Variants in SNX24 observed in about 807,000 individuals in gnomAD.
SNX24 encodes sorting nexin 24.
In SNX24, 22 loss-of-function variants were observed where a neutral mutation model predicts 28.7. The observed-to-expected ratio is 0.77, with a 90% CI of 0.55 to 1.10. The LOEUF is 1.10. Among genes scored for constraint, SNX24 ranks in the 50% least tolerant of loss-of-function variants. SNX24 has a pLI of 0.00. For synonymous variants in SNX24, 69 were observed against 71.5 expected, an observed-to-expected ratio of 0.96 and a Z score of 0.18; for missense variants, 221 against 201.1, an observed-to-expected ratio of 1.10 and a Z score of -0.60.
At chr5:122,852,209 G>A (rs1366450424) in intron 1 of SNX24, among the ~76,000 whole-genome samples, 2 of 151,426 alleles carry the variant, frequency 1.3e-5, no homozygotes, top group South Asian at 4.2e-4. Context: ...TACATGTGCA[G>A]AAAGTGCAGC....
intron 1 of SNX24, among the ~76,000 whole-genome samples, chr5:122,916,146 A>G (rs246304): frequency 0.18 from 26,934 of 152,268 alleles, 2,877 homozygotes; most frequent in East Asian, 0.48. Context: ...TGATCTATCC[A>G]AGATAGCATG....
intron 3 of SNX24, among the ~76,000 whole-genome samples, chr5:122,971,744 A>C (rs549410079): frequency 6.6e-6 from 1 of 152,206 alleles, no homozygotes; most frequent in Non-Finnish European, 1.5e-5. Flanking sequence ...AAAAATAAGG[A>C]GGAAATGTGA....
At chr5:122,857,768 C>T (rs1304145479) in intron 1 of SNX24, among the ~76,000 whole-genome samples, 1 of 152,140 alleles carries the variant, frequency 6.6e-6, no homozygotes, top group African/African-American at 2.4e-5. Flanking sequence ...GCATAATATT[C>T]CATGATGTAT....
intron 1 of SNX24, among the ~76,000 whole-genome samples, chr5:122,877,302 A>C (rs1385088955): frequency 1.3e-5 from 2 of 152,172 alleles, no homozygotes; most frequent in Non-Finnish European, 2.9e-5. Flanking sequence ...GTGTGAAGAA[A>C]ACAAGGCTGT....
At chr5:122,919,771 C>A (rs1368886241) in intron 1 of SNX24, among the ~76,000 whole-genome samples, 1 of 152,152 alleles carries the variant, frequency 6.6e-6, no homozygotes, top group Non-Finnish European at 1.5e-5. Flanking sequence ...GCCAGGTAGC[C>A]TGCTGATACA....
chr5:122,921,214 G>A (rs1170178073), intron 1 of SNX24, among the ~76,000 whole-genome samples: 1 of 151,682 alleles, frequency 6.6e-6, no homozygotes, highest in Non-Finnish European at 1.5e-5. Context: ...TCAATTGGAT[G>A]TACTATTTAT....
At chr5:122,973,333 A>G (rs559556991) in intron 3 of SNX24, among the ~76,000 whole-genome samples, 3 of 152,308 alleles carry the variant, frequency 2.0e-5, no homozygotes, top group South Asian at 2.1e-4. Context: ...TCACTGCTCA[A>G]AGTTCTGCCC....
At chr5:122,982,576 G>A (rs1417232851) in intron 3 of SNX24, among the ~76,000 whole-genome samples, 4 of 152,336 alleles carry the variant, frequency 2.6e-5, no homozygotes, top group East Asian at 3.9e-4. Context: ...GAAAGCTACT[G>A]TGGCAGCTGC....
intron 2 of SNX24, among the ~76,000 whole-genome samples, chr5:122,941,182 AC>A (rs1348681696): frequency 6.6e-6 from 1 of 151,882 alleles, no homozygotes; most frequent in East Asian, 1.9e-4. Context: ...ATCCAGGATA[AC>A]CCCCCTTTTC....
In SNX24 at chr5:122,980,311, C is replaced by A. The variant is rs1387456879; in HGVS notation, c.250-19601C>A. On this transcript the variant is annotated intron_variant, in intron 3 of 6. Transcript: ENST00000261369. ...TCTTCTCACAACCAACCTGTTAGAA[C>A]AAATAATTGTTTTAAAAGCATTTCA... Among the ~76,000 whole-genome samples the A allele has an allele frequency of 5.9e-5, 9 of 152,154 alleles. No individual in the cohort carries two copies. In the East Asian group the frequency reaches 1.5e-3, roughly 26 times the overall value.
At chr5:122,871,071 C>A (rs545058799) in intron 1 of SNX24, among the ~76,000 whole-genome samples, 1 of 152,266 alleles carries the variant, frequency 6.6e-6, no homozygotes, top group African/African-American at 2.4e-5. Context: ...TTGTTATGAA[C>A]AGTGGAAGGT....
intron 4 of SNX24, 43 bp from the exon 5 acceptor site, chr5:123,001,362 C>T (rs1561721245): frequency 3.7e-6 from 5 of 1,343,872 alleles, no homozygotes; most frequent in African/African-American, 1.4e-5. Flanking sequence ...ATTGACTCAA[C>T]ATATGTGGTT....
At chr5:122,870,722 G>T (rs1179554651) in intron 1 of SNX24, among the ~76,000 whole-genome samples, 1 of 152,214 alleles carries the variant, frequency 6.6e-6, no homozygotes, top group Non-Finnish European at 1.5e-5. Flanking sequence ...GCATGCACGT[G>T]TGCAGGGAGT....
intron 1 of SNX24, among the ~76,000 whole-genome samples, 190 bp downstream of exon 1, chr5:122,845,883 G>T (rs1387616573): frequency 6.6e-6 from 1 of 151,820 alleles, no homozygotes; most frequent in Non-Finnish European, 1.5e-5. Context: ...CCCGGGCACG[G>T]CGGCTGCGGG....
chr5:122,892,007 G>T (rs1756994913), intron 1 of SNX24, among the ~76,000 whole-genome samples: 1 of 152,124 alleles, frequency 6.6e-6, no homozygotes, highest in South Asian at 2.1e-4. Context: ...CACAAATGGG[G>T]AAGTCCATGC....
chr5:122,964,443 A>G lies in SNX24; in HGVS notation c.249+18284A>G, dbSNP rs370056431. Among the ~76,000 whole-genome samples the G allele has an allele frequency of 2.6e-5, 4 of 152,052 alleles. 1 individual carries two copies. The East Asian group carries it at 5.8e-4, about 22-fold the overall frequency. ...ACAGGCCAGCTCCTAACTAATAAAT[A>G]TTAATAGTGGCCCATAATGTCAAAA... is the stretch of plus-strand genomic sequence containing the variant. On this transcript the variant is annotated intron_variant, in intron 3 of 6. Coordinates refer to ENST00000261369, the MANE Select transcript of SNX24 (RefSeq NM_014035.4).
intron 1 of SNX24, among the ~76,000 whole-genome samples, chr5:122,926,876 A>G (rs377514251): frequency 3.3e-5 from 5 of 152,326 alleles, no homozygotes; most frequent in African/African-American, 1.2e-4. Context: ...GCATGCATGC[A>G]TTACAGGGTC....
intron 1 of SNX24, among the ~76,000 whole-genome samples, chr5:122,875,459 C>T (rs1756181158): frequency 6.6e-6 from 1 of 152,208 alleles, no homozygotes; most frequent in Non-Finnish European, 1.5e-5. Flanking sequence ...CTTATGCAGT[C>T]TAGGAGTGCA....
intron 1 of SNX24, among the ~76,000 whole-genome samples, chr5:122,913,487 C>A (rs1478240591): frequency 6.6e-6 from 1 of 151,814 alleles, no homozygotes; most frequent in African/African-American, 2.4e-5. Context: ...CTGGCGTAGA[C>A]GCTCCTCACT....
Sources: gnomAD v4.1 joint callset for allele counts (sites outside exome capture counted in the v4.1 genomes callset) on GRCh38, gnomAD v4.1.1 for gene constraint, MANE v1.5 for transcripts, NCBI Gene and HGNC (gene_info 2026-07-23, HGNC 2026-07-21) for gene names.